FAM78B: variants seen among roughly 807,000 people sequenced by gnomAD.
FAM78B encodes family with sequence similarity 78 member B.
FAM78B carries 10 observed loss-of-function variants against 20.0 expected under a neutral mutation model. The observed-to-expected ratio is 0.50, with a 90% CI of 0.31 to 0.85. The LOEUF is 0.85. Among genes scored for constraint, FAM78B ranks in the 40% least tolerant of loss-of-function variants. The pLI is 0.05. For missense variants in FAM78B, 283 were observed against 345.0 expected, an observed-to-expected ratio of 0.82 and a Z score of 1.42; for synonymous variants, 135 against 132.8, an observed-to-expected ratio of 1.02 and a Z score of -0.12.
intron 1 of FAM78B, among the ~76,000 whole-genome samples, chr1:166,080,910 G>C (rs770300285): frequency 9.2e-5 from 14 of 152,210 alleles, no homozygotes; most frequent in Non-Finnish European, 1.9e-4. Context: ...CAGGCCAGGC[G>C]CCTGTCACCT....
intron 1 of FAM78B, among the ~76,000 whole-genome samples, chr1:166,114,235 C>A (rs1056849090): frequency 9.2e-5 from 14 of 152,144 alleles, no homozygotes; most frequent in Non-Finnish European, 1.9e-4. Flanking sequence ...TTGACACAAA[C>A]CTGTGCAGAA....
chr1:166,105,946 G>C (rs1364891092), intron 1 of FAM78B, among the ~76,000 whole-genome samples: 2 of 151,734 alleles, frequency 1.3e-5, no homozygotes, highest in African/African-American at 4.9e-5. Context: ...GCAAAGACTT[G>C]GAACCAAGCC....
intron 1 of FAM78B, among the ~76,000 whole-genome samples, chr1:166,130,752 T>C (rs34278426): frequency 0.012 from 1,884 of 152,286 alleles, 28 homozygotes; most frequent in Non-Finnish European, 0.021. Context: ...TTGCCCAAGA[T>C]AGAACAACTA....
chr1:166,141,715 T>C (rs542957656), intron 1 of FAM78B, among the ~76,000 whole-genome samples: 117 of 152,318 alleles, frequency 7.7e-4, no homozygotes, highest in Middle Eastern at 3.4e-3. Flanking sequence ...GACTGATAGA[T>C]AAGTGGCAGT....
chr1:166,154,817 T>A, intron 1 of FAM78B: 1 of 477,266 alleles, frequency 2.1e-6, no homozygotes, highest in Non-Finnish European at 4.4e-6. Context: ...TGCCCTTTTC[T>A]GGGCTTCAGC....
At chr1:166,065,910 G>C (rs577975894), downstream of FAM78B, among the ~76,000 whole-genome samples, 51 of 152,342 alleles carry the variant, frequency 3.3e-4, no homozygotes, top group African/African-American at 1.1e-3. Context: ...AGTTTGAAGA[G>C]TATGTGAGTG....
chr1:166,152,443 C>T (rs1013161870), intron 1 of FAM78B, among the ~76,000 whole-genome samples: 20 of 152,202 alleles, frequency 1.3e-4, no homozygotes, highest in African/African-American at 3.9e-4. Context: ...TTCTCTTTTC[C>T]GTATTTTAGG....
chr1:166,072,104 C>A (rs1652070753), intron 1 of FAM78B, among the ~76,000 whole-genome samples: 1 of 152,182 alleles, frequency 6.6e-6, no homozygotes, highest in African/African-American at 2.4e-5. Context: ...GTTCTTCCTC[C>A]TATGAGGTGA....
intron 1 of FAM78B, among the ~76,000 whole-genome samples, chr1:166,117,106 T>G (rs1470565043): frequency 1.3e-5 from 2 of 152,356 alleles, no homozygotes; most frequent in African/African-American, 2.4e-5. Context: ...TTTAGAATTT[T>G]CAGACCCCCC....
At chr1:166,120,238 T>C (rs950102746) in intron 1 of FAM78B, among the ~76,000 whole-genome samples, 1 of 152,260 alleles carries the variant, frequency 6.6e-6, no homozygotes, top group Non-Finnish European at 1.5e-5. Context: ...CCTCATTTTA[T>C]ACACATAGTA....
intron 1 of FAM78B, among the ~76,000 whole-genome samples, chr1:166,154,416 T>C (rs1655813050): frequency 6.6e-6 from 1 of 152,230 alleles, no homozygotes; most frequent in Non-Finnish European, 1.5e-5. Flanking sequence ...CAGGTGTCTC[T>C]GGGGAGACCC....
At chr1:166,117,203 T>C (rs1654294610) in intron 1 of FAM78B, among the ~76,000 whole-genome samples, 1 of 152,150 alleles carries the variant, frequency 6.6e-6, no homozygotes, top group Non-Finnish European at 1.5e-5. Context: ...AGAATTCTGG[T>C]TGAATTCCAG....
intron 1 of FAM78B, among the ~76,000 whole-genome samples, chr1:166,150,472 C>A (rs1300447204): frequency 6.6e-6 from 1 of 152,202 alleles, no homozygotes; most frequent in African/African-American, 2.4e-5. Flanking sequence ...AAAACTCCTA[C>A]ATTGCAAGTT....
At chr1:166,074,978 G>A (rs1652208863) in intron 1 of FAM78B, among the ~76,000 whole-genome samples, 1 of 152,160 alleles carries the variant, frequency 6.6e-6, no homozygotes, top group Admixed American at 6.6e-5. Context: ...GGGAGTCTGT[G>A]TCACAGGCTA....
chr1:166,134,516 GTAATAA>G lies in FAM78B; in HGVS notation c.263+31464_263+31469del, dbSNP rs201347416. On this transcript the variant is annotated intron_variant, in intron 1 of 1. Coordinates refer to ENST00000354422, the MANE Select transcript of FAM78B (RefSeq NM_001017961.5). Reference sequence around the variant, plus strand: ...TGAAAGACACCAGAACATTAAAGTAGTAATAATAATAATAATAATAATAATAAGTAT... The same window carrying G: ...TGAAAGACACCAGAACATTAAAGTAGTAATAATAATAATAATAATAAGTAT... 2.0e-3 allele frequency among the ~76,000 whole-genome samples: 297 copies of G among 150,918 alleles called. 1 individual carries two copies. Among genetic ancestry groups the G allele is most frequent in the African/African-American group, 6.6e-3 (274 of 41,222 alleles).
chr1:166,065,177 G>A (rs528994806), downstream of FAM78B, among the ~76,000 whole-genome samples: 1 of 152,346 alleles, frequency 6.6e-6, no homozygotes, highest in East Asian at 1.9e-4. Flanking sequence ...GGAGGAGGGT[G>A]CCTGCATTTA....
intron 1 of FAM78B, among the ~76,000 whole-genome samples, chr1:166,106,329 C>T (rs1370925841): frequency 6.7e-6 from 1 of 148,976 alleles, no homozygotes; most frequent in Non-Finnish European, 1.5e-5. Context: ...ACATTGTGCA[C>T]ATGTACCCTA....
At position 166,070,331 on chromosome 1, in the gene FAM78B, A is replaced by G. The variant is rs925474570; in HGVS notation, c.696T>C (p.Asn232=). 1.4e-5 allele frequency: 22 copies of G among 1,609,144 alleles called. No individual in the cohort carries two copies. The Admixed American group carries it at 1.7e-4, about 12-fold the overall frequency. ...ILSRMEPIPP[N]ALVKPNANDA... ...CATTGGCATTGGGTTTCACTAGTGCATTAGGGGGGATGGGTTCCATCCGGC... is the reference window on the plus strand; with the variant it reads ...CATTGGCATTGGGTTTCACTAGTGCGTTAGGGGGGATGGGTTCCATCCGGC... Residue 232 remains asparagine, a synonymous_variant, in exon 2 of 2, where the codon AAT becomes AAC. Transcript: ENST00000354422.
intron 1 of FAM78B, 138 bp downstream of exon 1, chr1:166,165,848 A>T (rs1015595375): frequency 1.1e-6 from 1 of 921,516 alleles, no homozygotes; most frequent in Non-Finnish European, 1.6e-6. Context: ...GGGAGGAGGG[A>T]GGTGGGAGAG....
Sources: gnomAD v4.1 joint callset for allele counts (sites outside exome capture counted in the v4.1 genomes callset) on GRCh38, gnomAD v4.1.1 for gene constraint, MANE v1.5 for transcripts, NCBI Gene and HGNC (gene_info 2026-07-23, HGNC 2026-07-21) for gene names.